Variants in KCTD16 observed in about 807,000 individuals in gnomAD.
The protein encoded by KCTD16 is potassium channel tetramerization domain containing 16.
In KCTD16, 13 loss-of-function variants were observed where a neutral mutation model predicts 33.2. That is an observed-to-expected ratio of 0.39 (90% confidence interval 0.25 to 0.62). The LOEUF (loss-of-function observed/expected upper bound fraction) is 0.62. Ranked by LOEUF, KCTD16 falls within the 20% of genes least tolerant of loss-of-function variation. The probability of loss-of-function intolerance (pLI) is 0.50; values close to 1 mark genes in which losing one functional copy is unlikely to be tolerated. For synonymous variants in KCTD16, 197 were observed against 195.3 expected (o/e 1.01, Z -0.07); for missense variants, 441 against 525.1 (o/e 0.84, Z 1.57).
At chr5:144,255,208 A>T (rs772499788) in intron 3 of KCTD16, among the ~76,000 whole-genome samples, 1 of 152,096 alleles carries the variant, frequency 6.6e-6, no homozygotes, top group Non-Finnish European at 1.5e-5. Context: ...CATTTTCTTT[A>T]TGCATTTTTC....
intron 3 of KCTD16, among the ~76,000 whole-genome samples, chr5:144,294,656 A>G (rs1033311933): frequency 6.6e-6 from 1 of 152,154 alleles, no homozygotes; most frequent in South Asian, 2.1e-4. Flanking sequence ...TTTTGGATTG[A>G]AAGTGAATTT....
chr5:144,376,131 C>T (rs1031897065), intron 3 of KCTD16, among the ~76,000 whole-genome samples: 14 of 152,038 alleles, frequency 9.2e-5, no homozygotes, highest in African/African-American at 3.4e-4. Context: ...CATTCAGAGT[C>T]ATGTCTACCT....
At chr5:144,398,605 G>C (rs893332899) in intron 3 of KCTD16, among the ~76,000 whole-genome samples, 18 of 151,972 alleles carry the variant, frequency 1.2e-4, no homozygotes, top group African/African-American at 3.9e-4. Flanking sequence ...TTATTCACAA[G>C]TTTTGAAGCT....
At chr5:144,216,103 C>G (rs1385154870) in intron 3 of KCTD16, among the ~76,000 whole-genome samples, 1 of 152,140 alleles carries the variant, frequency 6.6e-6, no homozygotes, top group Non-Finnish European at 1.5e-5. Context: ...AAGAATACAA[C>G]TTAAATTGTA....
In KCTD16 at chr5:144,422,840, GA is replaced by G. The variant is rs1753240665; in HGVS notation, c.833-50818del. Reference sequence around the variant, plus strand: ...AGTGAAAACAGTAGATCACAAAAATGAATATATACCCCATGTGGATGTTAGG... The same window carrying G: ...AGTGAAAACAGTAGATCACAAAAATGATATATACCCCATGTGGATGTTAGG... On this transcript the variant is annotated intron_variant, in intron 3 of 3. Transcript: ENST00000512467. Among the ~76,000 whole-genome samples the G allele has an allele frequency of 2.0e-5, 3 of 152,238 alleles. No homozygotes were observed. The South Asian group carries it at 6.2e-4, about 32-fold the overall frequency.
At chr5:144,444,454 C>T (rs1252478230) in intron 3 of KCTD16, among the ~76,000 whole-genome samples, 2 of 151,998 alleles carry the variant, frequency 1.3e-5, no homozygotes, top group South Asian at 2.1e-4. Flanking sequence ...TATAGATTTC[C>T]CAGAAAGCTT....
chr5:144,280,950 G>A (rs888865236), intron 3 of KCTD16, among the ~76,000 whole-genome samples: 1 of 150,704 alleles, frequency 6.6e-6, no homozygotes, highest in African/African-American at 2.5e-5. Flanking sequence ...AGCTACTCGG[G>A]AGGCTGAGGC....
chr5:144,356,276 G>A (rs908746107), intron 3 of KCTD16, among the ~76,000 whole-genome samples: 2 of 152,090 alleles, frequency 1.3e-5, no homozygotes, highest in Non-Finnish European at 2.9e-5. Context: ...ATACAACTCA[G>A]GAAATTTTAA....
chr5:144,418,974 C>A (rs540852779), intron 3 of KCTD16, among the ~76,000 whole-genome samples: 1 of 152,134 alleles, frequency 6.6e-6, no homozygotes, highest in Non-Finnish European at 1.5e-5. Flanking sequence ...GCTTATTCCA[C>A]CAAGCCACAC....
intron 3 of KCTD16, among the ~76,000 whole-genome samples, chr5:144,359,325 G>A (rs775551481): frequency 6.6e-6 from 1 of 152,076 alleles, no homozygotes; most frequent in Non-Finnish European, 1.5e-5. Flanking sequence ...GGCATGAAGT[G>A]GTAGAAACTC....
intron 3 of KCTD16, among the ~76,000 whole-genome samples, chr5:144,352,650 C>T (rs937355568): frequency 6.6e-6 from 1 of 152,134 alleles, no homozygotes; most frequent in Admixed American, 6.6e-5. Context: ...TTTGGTTGTG[C>T]CCTGTTCCTG....
chr5:144,228,195 T>C (rs1753992280), intron 3 of KCTD16, among the ~76,000 whole-genome samples: 1 of 152,064 alleles, frequency 6.6e-6, no homozygotes, highest in Non-Finnish European at 1.5e-5. Context: ...GTCTAAGCAC[T>C]CAAGTGTTAA....
chr5:144,331,288 T>C (rs926615811), intron 3 of KCTD16, among the ~76,000 whole-genome samples: 2 of 152,150 alleles, frequency 1.3e-5, no homozygotes, highest in African/African-American at 4.8e-5. Context: ...CTCCTCAAAT[T>C]TGTATGATAA....
At chr5:144,373,345 A>G (rs1752012400) in intron 3 of KCTD16, among the ~76,000 whole-genome samples, 1 of 152,248 alleles carries the variant, frequency 6.6e-6, no homozygotes, top group South Asian at 2.1e-4. Context: ...GGTGTCAAGT[A>G]CAGTGATCCT....
At chr5:144,252,706 C>T (rs1040633290) in intron 3 of KCTD16, among the ~76,000 whole-genome samples, 3 of 151,032 alleles carry the variant, frequency 2.0e-5, no homozygotes, top group Non-Finnish European at 4.4e-5. Flanking sequence ...TGTCAGAAAA[C>T]CTTAATGGAA....
intron 3 of KCTD16, among the ~76,000 whole-genome samples, chr5:144,392,651 C>T (rs1001801432): frequency 1.3e-5 from 2 of 152,152 alleles, no homozygotes; most frequent in Non-Finnish European, 2.9e-5. Context: ...TCTGGGGGCA[C>T]TGTAGGATTT....
intron 3 of KCTD16, among the ~76,000 whole-genome samples, chr5:144,391,949 G>A (rs938776623): frequency 6.6e-6 from 1 of 152,176 alleles, no homozygotes; most frequent in African/African-American, 2.4e-5. Context: ...TAAGTGCTAT[G>A]TATAAATCTA....
At chr5:144,465,586 G>A (rs752384895) in intron 3 of KCTD16, among the ~76,000 whole-genome samples, 3 of 150,986 alleles carry the variant, frequency 2.0e-5, no homozygotes, top group Non-Finnish European at 4.4e-5. Flanking sequence ...TGCCAGCACT[G>A]AGCTTCTGCA....
intron 3 of KCTD16, among the ~76,000 whole-genome samples, chr5:144,332,753 G>C (rs1752389938): frequency 6.6e-6 from 1 of 152,122 alleles, no homozygotes; most frequent in South Asian, 2.1e-4. Context: ...GAAACAGCCA[G>C]ATCTCCATTT....
Sources: allele counts gnomAD v4.1 joint callset (sites outside exome capture counted in the v4.1 genomes callset), GRCh38; gene constraint gnomAD v4.1.1; transcripts MANE v1.5; gene names NCBI Gene and HGNC (gene_info 2026-07-23, HGNC 2026-07-21).